CIITA: variants seen among roughly 807,000 people sequenced by gnomAD.
The protein encoded by CIITA is MHC class II transactivator.
Under a neutral mutation model 115.1 loss-of-function variants are expected in CIITA, and 72 were observed. The ratio of observed to expected loss-of-function variants is 0.63; its 90% CI spans 0.52 to 0.76. The LOEUF is 0.76. CIITA is among the 30% of genes least tolerant of loss of function. CIITA has a pLI of 0.00. For synonymous variants in CIITA, 763 were observed against 635.6 expected (o/e 1.20, Z -3.02); for missense variants, 1,617 against 1,463.8 (o/e 1.10, Z -1.71).
At chr16:10,870,779 G>A (rs1419599622) in intron 1 of CIITA, among the ~76,000 whole-genome samples, 1 of 152,216 alleles carries the variant, frequency 6.6e-6, no homozygotes, top group Non-Finnish European at 1.5e-5. Flanking sequence ...GAGATGGTAG[G>A]TAGAAACCTT....
At chr16:10,868,371 A>G (rs528395073) in intron 1 of CIITA, among the ~76,000 whole-genome samples, 1 of 152,178 alleles carries the variant, frequency 6.6e-6, no homozygotes, top group African/African-American at 2.4e-5. Context: ...CATCAAATGC[A>G]TTTTGGCGGC....
intron 1 of CIITA, 40 bp downstream of exon 1, chr16:10,877,422 C>T: frequency 6.3e-7 from 1 of 1,585,812 alleles, no homozygotes; most frequent in Non-Finnish European, 8.6e-7. Context: ...AGCGTGCAGT[C>T]TCAGCTGGTC....
chr16:10,898,531 G>C, intron 3 of CIITA, 139 bp from the exon 4 acceptor site: 1 of 568,556 alleles, frequency 1.8e-6, no homozygotes, highest in Non-Finnish European at 3.2e-6. Flanking sequence ...TCATTTGTTT[G>C]ATCATTCATT....
upstream of CIITA, among the ~76,000 whole-genome samples, chr16:10,874,012 G>A (rs915047449): frequency 2.0e-5 from 3 of 152,012 alleles, no homozygotes; most frequent in Non-Finnish European, 2.9e-5. Flanking sequence ...ATAGAGTCTC[G>A]CTCTGAAGCC....
At position 10,903,722 on chromosome 16, in the gene CIITA, C is replaced by G. The variant is rs756972663; in HGVS notation, c.773-9C>G. On this transcript the variant is annotated splice_polypyrimidine_tract_variant and intron_variant, in intron 8 of 19. Transcript: ENST00000324288. ...GTTATTCTCACACCACTCTCCACCC[C>G]CAATGTAGGTGAGGTGCCCCAGGCC... 3.1e-6 allele frequency: 5 copies of G among 1,614,056 alleles called. No homozygotes were observed. Among genetic ancestry groups the G allele is most frequent in the Middle Eastern group, 1.6e-4 (1 of 6,062 alleles).
In CIITA at chr16:10,923,158, C is replaced by A; in HGVS notation, c.3318-70C>A. Reference sequence around the variant, plus strand: ...CTGGGTGGAAGGAGGGATTTGGGGGCAGCTGTCACTGGGGCCCCAGGCCGC... The same window carrying A: ...CTGGGTGGAAGGAGGGATTTGGGGGAAGCTGTCACTGGGGCCCCAGGCCGC... On this transcript the variant is annotated intron_variant, in intron 18 of 19. Coordinates refer to ENST00000324288, the MANE Select transcript of CIITA (RefSeq NM_000246.4). This position sits in a 1 kb window ranked among gnomAD's most constrained non-coding sequence, Gnocchi z 5.2. The A allele has an allele frequency of 1.6e-6, 2 of 1,282,756 alleles. No homozygotes were observed. The highest frequency in any genetic ancestry group is 2.3e-6 in the Non-Finnish European group (2 of 885,946). The allele number at this position is 1,282,756 out of a possible 1,614,324, so 79.5% of individuals were successfully genotyped here.
chr16:10,900,829 C>A (rs1040519673), intron 5 of CIITA, among the ~76,000 whole-genome samples: 2 of 152,038 alleles, frequency 1.3e-5, no homozygotes, highest in Non-Finnish European at 2.9e-5. Context: ...CATTTTGATT[C>A]TACAATTAAT....
Position 10,941,981 on chromosome 16 carries a change from G to T in CIITA, n.1107G>T. 1 of 1,505,024 alleles carries T rather than the reference G, an allele frequency of 6.6e-7. No individual in the cohort carries two copies. The highest frequency in any genetic ancestry group is 1.3e-5 in the South Asian group (1 of 79,140). The allele number at this position is 1,505,024 out of a possible 1,614,324, so 93.2% of individuals were successfully genotyped here. A position where few individuals can be genotyped will look rare whatever the true frequency, so the allele number is the denominator to read the frequency against. ...ACCAGGGGGCCCAGTGCGTCCAGGT[G>T]GGCCGCGACCCGGGCGCCGAGCATG... On this transcript the variant is annotated non_coding_transcript_exon_variant, in exon 2 of 2. Coordinates refer to the CIITA transcript ENST00000573379. The surrounding 1 kb of genome is among the most constrained non-coding windows in gnomAD (Gnocchi z 6.4).
At chr16:10,895,536 G>A (rs766163848) in intron 2 of CIITA, 108 bp downstream of exon 2, 17 of 1,572,158 alleles carry the variant, frequency 1.1e-5, no homozygotes, top group Non-Finnish European at 1.4e-5. Context: ...CAGCACCACG[G>A]ACAGCTCCCA....
rs200577013 is a variant in CIITA, at chr16:10,907,748, G to A, written c.2256G>A (p.Glu752=). Residue 752 remains glutamate (E), a synonymous_variant, in exon 11 of 20, where the codon GAG becomes GAA. Coordinates refer to ENST00000324288, the MANE Select transcript of CIITA (RefSeq NM_000246.4). The surrounding 1 kb of genome is among the most constrained non-coding windows in gnomAD (Gnocchi z 5.0). ...RKKRPYDNWL[E]GVPRFLAGLI... is the part of the protein sequence containing the mutation. ...AGAGGCCCTATGACAACTGGCTGGAGGGCGTGCCACGCTTTCTGGCTGGGC... is the reference window on the plus strand; with the variant it reads ...AGAGGCCCTATGACAACTGGCTGGAAGGCGTGCCACGCTTTCTGGCTGGGC... The A allele has an allele frequency of 5.0e-6, 8 of 1,614,248 alleles. No homozygotes were observed. The East Asian group carries it at 1.3e-4, about 27-fold the overall frequency.
rs1246239792 is a variant in CIITA at position 10,927,834 on chromosome 16, C to T, written c.*3979C>T. 1 of 152,292 alleles carries T rather than the reference C, an allele frequency of 6.6e-6. No homozygotes were observed. The highest frequency in any genetic ancestry group is 2.4e-5 in the African/African-American group (1 of 41,468). 9.4% of individuals were successfully genotyped at this position (152,292 alleles called of 1,614,324 possible). A position where few individuals can be genotyped will look rare whatever the true frequency, so the allele number is the denominator to read the frequency against. ...CTGACTTCTTTGGAGGACCTCTCTG[C>T]AGGGACAGGCACAGTGTGCCGGAAG... On this transcript the variant is annotated 3_prime_UTR_variant, in exon 20 of 20. Coordinates refer to ENST00000324288, the MANE Select transcript of CIITA (RefSeq NM_000246.4).
chr16:10,907,934 C>G lies in CIITA; in HGVS notation c.2442C>G (p.His814Gln), dbSNP rs746490057. ...RQLLELLHCAHEAEEAGIWQH... is the reference protein window; with the variant it reads ...RQLLELLHCAQEAEEAGIWQH... Reference sequence around the variant, plus strand: ...TGCTGGAGCTGCTGCACTGCGCCCACGAGGCCGAGGAGGCTGGAATTTGGC... The same window carrying G: ...TGCTGGAGCTGCTGCACTGCGCCCAGGAGGCCGAGGAGGCTGGAATTTGGC... The change falls in exon 11 of 20, where the codon CAC becomes CAG. Residue 814 changes from histidine to glutamine, a missense_variant. By Grantham distance (24) the His-to-Gln change is conservative. Transcript: ENST00000324288. This position sits in a 1 kb window ranked among gnomAD's most constrained non-coding sequence, Gnocchi z 5.0. 1.9e-6 allele frequency: 3 copies of G among 1,562,906 alleles called. No individual in the cohort carries two copies. The highest frequency in any genetic ancestry group is 2.3e-5 in the East Asian group (1 of 44,444).
chr16:10,878,738 GGGACTCT>G (rs2036092751), intron 1 of CIITA, among the ~76,000 whole-genome samples: 1 of 152,200 alleles, frequency 6.6e-6, no homozygotes, highest in African/African-American at 2.4e-5. Flanking sequence ...CCCGGGGCCT[GGGACTCT>G]CCCCGAAGTG....
downstream of CIITA, chr16:10,938,124 C>T (rs1387290045): frequency 6.6e-6 from 1 of 152,214 alleles, no homozygotes; most frequent in Non-Finnish European, 1.5e-5. The surrounding 1 kb of genome is among the most constrained non-coding windows in gnomAD (Gnocchi z 4.9). Context: ...TTACTATATA[C>T]AAGGAGATCT....
intron 5 of CIITA, among the ~76,000 whole-genome samples, chr16:10,900,247 A>T (rs2038583938): frequency 6.6e-6 from 1 of 152,206 alleles, no homozygotes. Flanking sequence ...TTTTCCATGC[A>T]AATGACCACA....
Position 10,916,376 on chromosome 16 carries a change from G to C in CIITA, c.2979G>C (p.Ala993=). 1 of 1,613,786 alleles carries C rather than the reference G, an allele frequency of 6.2e-7. No individual in the cohort carries two copies. The highest frequency in any genetic ancestry group is 1.1e-5 in the South Asian group (1 of 90,984). The stretch of plus-strand genomic sequence containing the variant: ...CTGATTCCACCTGCAGCCTGGATGC[G>C]CTGAGTGAGAACAAGATCGGGGACG... The part of the protein sequence containing the change: ...FSSLQHLDLD[A]LSENKIGDEG... Residue 993 remains alanine (A), a synonymous_variant, in exon 15 of 20, where the codon GCG becomes GCC. Transcript: ENST00000324288.
chr16:10,866,311 C>G (rs778389740), exon 1 of CIITA: 3 of 569,328 alleles, frequency 5.3e-6, no homozygotes, highest in South Asian at 1.4e-5. Context: ...CCAGGCCATC[C>G]TGACTCAGGT....
Position 10,930,259 on chromosome 16 carries a change from A to G in CIITA, c.*6404A>G, listed in dbSNP as rs898963850. On this transcript the variant is annotated 3_prime_UTR_variant, in exon 20 of 20. Coordinates refer to ENST00000324288, the MANE Select transcript of CIITA (RefSeq NM_000246.4). ...ATCCTTTCCGCAAACTTCACTGAAC[A>G]TCTCGCAGAACTTGTATGTTAAACA... is the stretch of plus-strand genomic sequence containing the variant. 14 of 152,224 alleles carry G rather than the reference A, an allele frequency of 9.2e-5. No homozygotes were observed. The highest frequency in any genetic ancestry group is 3.4e-4 in the African/African-American group (14 of 41,434). 9.4% of individuals were successfully genotyped at this position (152,224 alleles called of 1,614,324 possible).
intron 5 of CIITA, 128 bp downstream of exon 5, chr16:10,899,130 A>G: frequency 1.3e-6 from 1 of 797,848 alleles, no homozygotes; most frequent in Non-Finnish European, 2.2e-6. Context: ...GCCCTTTAAA[A>G]GCCAACAGGA....
Sources: allele counts gnomAD v4.1 joint callset (sites outside exome capture counted in the v4.1 genomes callset), GRCh38; gene constraint gnomAD v4.1.1; non-coding constraint Gnocchi (gnomAD v3.1); transcripts MANE v1.5; gene names NCBI Gene and HGNC (gene_info 2026-07-23, HGNC 2026-07-21).